ACOT12: variants seen among roughly 807,000 people sequenced by gnomAD.
The protein encoded by ACOT12 is acetyl-coenzyme A thioesterase.
In ACOT12, 51 loss-of-function variants were observed where a neutral mutation model predicts 67.7. That is an observed-to-expected ratio of 0.75 (90% CI 0.60 to 0.95). ACOT12 has a LOEUF of 0.95. Among genes scored for constraint, ACOT12 ranks in the 40% least tolerant of loss-of-function variants. ACOT12 has a pLI of 0.00. For synonymous variants in ACOT12, 251 were observed against 244.6 expected (o/e 1.03, Z -0.24); for missense variants, 734 against 708.1 (o/e 1.04, Z -0.41).
Position 81,347,876 on chromosome 5 carries a change from T to C in ACOT12, c.551A>G (p.Gln184Arg), listed in dbSNP as rs764126125. 1.1e-5 allele frequency: 17 copies of C among 1,614,092 alleles called. No individual in the cohort carries two copies. Among genetic ancestry groups the C allele is most frequent in the Non-Finnish European group, 1.4e-5 (17 of 1,180,042 alleles). ...GGGTGGGAGGACCAGTTCAATGCTC[T>C]GAACGGAGGTGCCCCTTGTGGAAAC... ...GAVSTRGTSV[Q>R]SIELVLPPHA... The change falls in exon 6 of 15, where the codon CAG becomes CGG. Residue 184 changes from glutamine to arginine, a missense_variant. Gln to Arg is a conservative substitution (Grantham distance 43). Transcript: ENST00000307624.
intron 2 of ACOT12, among the ~76,000 whole-genome samples, chr5:81,382,824 A>G (rs918790621): frequency 1.2e-4 from 18 of 152,054 alleles, no homozygotes; most frequent in African/African-American, 4.1e-4. Context: ...AAGAAGAAGA[A>G]TAACATGGAT....
the ACOT12 span, among the ~76,000 whole-genome samples, chr5:81,318,605 G>A: frequency 1.3e-5 from 2 of 152,190 alleles, no homozygotes; most frequent in South Asian, 4.2e-4. Context: ...GTTTCGATAG[G>A]GATTGTGTTG....
the ACOT12 span, among the ~76,000 whole-genome samples, chr5:81,321,101 C>A: frequency 6.6e-6 from 1 of 152,020 alleles, no homozygotes; most frequent in African/African-American, 2.4e-5. Context: ...ACAAAAAATA[C>A]AAAATTCAGC....
chr5:81,371,946 A>G, intron 2 of ACOT12, 136 bp from the exon 3 acceptor site: 1 of 712,878 alleles, frequency 1.4e-6, no homozygotes, highest in Non-Finnish European at 2.4e-6. Context: ...TGCGAAATTC[A>G]GGTTAATGAT....
intron 2 of ACOT12, among the ~76,000 whole-genome samples, chr5:81,377,869 C>G (rs959663274): frequency 2.0e-5 from 3 of 152,196 alleles, no homozygotes; most frequent in African/African-American, 7.2e-5. Flanking sequence ...ATTCCCTGCT[C>G]ATGGATAGGA....
intron 3 of ACOT12, among the ~76,000 whole-genome samples, chr5:81,366,053 A>G (rs1181374418): frequency 6.6e-6 from 1 of 152,212 alleles, no homozygotes; most frequent in Admixed American, 6.5e-5. Context: ...GGATCTTTTG[A>G]GTTCTCTCCA....
chr5:81,355,605 G>A (rs1343583316), intron 5 of ACOT12, among the ~76,000 whole-genome samples: 1 of 152,206 alleles, frequency 6.6e-6, no homozygotes, highest in Non-Finnish European at 1.5e-5. Flanking sequence ...CGTTGGATAA[G>A]AAAATAAAAA....
intron 11 of ACOT12, among the ~76,000 whole-genome samples, chr5:81,336,892 T>C (rs183497641): frequency 6.6e-6 from 1 of 152,290 alleles, no homozygotes; most frequent in Admixed American, 6.5e-5. Flanking sequence ...AGAAATTAAC[T>C]ACAAGCTGCT....
At chr5:81,344,240 CAATAAAATAA>C in intron 8 of ACOT12, 25 bp from the exon 9 acceptor site, 1 of 1,601,268 alleles carries the variant, frequency 6.2e-7, no homozygotes, top group Non-Finnish European at 8.5e-7. Flanking sequence ...AAAGTAAAAT[CAATAAAATAA>C]AATAAAATAT....
rs1266696281 is a variant in ACOT12 at position 81,387,030 on chromosome 5, T to A, written c.128-1204A>T. 4.3e-5 allele frequency among the ~76,000 whole-genome samples: 6 copies of A among 139,096 alleles called. No individual in the cohort carries two copies. In the East Asian group the frequency reaches 1.3e-3, roughly 29 times the overall value. The allele number at this position is 139,096 out of a possible 152,430, so 91.3% of individuals were successfully genotyped here. On this transcript the variant is annotated intron_variant, in intron 1 of 14. Coordinates refer to ENST00000307624, the MANE Select transcript of ACOT12 (RefSeq NM_130767.3). The stretch of plus-strand genomic sequence containing the variant: ...TTTTTTTTTTTTTTCTTTTTTCAGA[T>A]AGAGTCTCACTGTCACCCAGGCTGG...
rs569688280 is a variant in ACOT12 at position 81,343,165 on chromosome 5, C to T, written c.1045-410G>A. 4.7e-5 allele frequency among the ~76,000 whole-genome samples: 7 copies of T among 150,518 alleles called. No homozygotes were observed. In the South Asian group the frequency reaches 1.1e-3, roughly 23 times the overall value. ...TTGCGCCACTGCACTCCAGCCTGGGCGACAGAGTGAGACTCTGTCTCAAAA... is the reference window on the plus strand; with the variant it reads ...TTGCGCCACTGCACTCCAGCCTGGGTGACAGAGTGAGACTCTGTCTCAAAA... On this transcript the variant is annotated intron_variant, in intron 10 of 14. Coordinates refer to ENST00000307624, the MANE Select transcript of ACOT12 (RefSeq NM_130767.3).
Position 81,347,855 on chromosome 5 carries a change from G to A in ACOT12, c.572C>T (p.Pro191Leu). The A allele has an allele frequency of 1.2e-6, 2 of 1,614,176 alleles. No homozygotes were observed. The highest frequency in any genetic ancestry group is 1.7e-6 in the Non-Finnish European group (2 of 1,180,026). ...ATTTCCGTGATGGTTTGCATGGGGT[G>A]GGAGGACCAGTTCAATGCTCTGAAC... is the stretch of plus-strand genomic sequence containing the variant. Reference protein sequence around the residue: ...TSVQSIELVLPPHANHHGNTF... With the variant: ...TSVQSIELVLLPHANHHGNTF... The change falls in exon 6 of 15, where the codon CCA becomes CTA. Residue 191 changes from proline to leucine, a missense_variant. Coordinates refer to ENST00000307624, the MANE Select transcript of ACOT12 (RefSeq NM_130767.3).
rs148063401 is a variant in ACOT12, at chr5:81,356,628, G to A, written c.496+3275C>T. ...CATCATCTACCTCCCAAAAATTGCC[G>A]TTCCCTGCCCCTCAGATCCATGATC... is the stretch of plus-strand genomic sequence containing the variant. On this transcript the variant is annotated intron_variant, in intron 5 of 14. Transcript: ENST00000307624. 7.8e-4 allele frequency among the ~76,000 whole-genome samples: 118 copies of A among 151,872 alleles called. No homozygotes were observed. In the East Asian group the frequency reaches 0.018, roughly 23 times the overall value.
intron 4 of ACOT12, among the ~76,000 whole-genome samples, chr5:81,363,450 T>A (rs921130620): frequency 3.9e-5 from 6 of 152,256 alleles, no homozygotes; most frequent in African/African-American, 1.4e-4. Flanking sequence ...AAGTCAATTT[T>A]GAGTTATATG....
chr5:81,352,452 G>A (rs980030413), intron 5 of ACOT12, among the ~76,000 whole-genome samples: 5 of 152,156 alleles, frequency 3.3e-5, no homozygotes, highest in Admixed American at 6.5e-5. Flanking sequence ...CCTGTCATCC[G>A]CAACAACATG....
At chr5:81,317,469 A>ATCTTG in the ACOT12 span, among the ~76,000 whole-genome samples, 1 of 150,800 alleles carries the variant, frequency 6.6e-6, no homozygotes, top group African/African-American at 2.4e-5. Context: ...GCCACTGCAC[A>ATCTTG]CCAGCCTGGG....
At chr5:81,346,580 G>T (rs1180472651) in intron 6 of ACOT12, among the ~76,000 whole-genome samples, 1 of 152,148 alleles carries the variant, frequency 6.6e-6, no homozygotes, top group Non-Finnish European at 1.5e-5. Context: ...ATTTCAGAAA[G>T]TTACTTCCAT....
rs1478291306 is a variant in ACOT12 at position 81,363,857 on chromosome 5, G to T, written c.291C>A (p.Leu97=). The T allele has an allele frequency of 6.2e-7, 1 of 1,611,474 alleles. No individual in the cohort carries two copies. The highest frequency in any genetic ancestry group is 8.5e-7 in the Non-Finnish European group (1 of 1,178,988). Residue 97 remains leucine, a synonymous_variant, in exon 4 of 15, where the codon CTC becomes CTA. Transcript: ENST00000307624. ...CACTAACAAGCTTCTCAATGCCAGT[G>T]AGCATATCCTGTACCATGACCTTGA... ...ISIKVMVQDM[L]TGIEKLVSVA...
the ACOT12 span, among the ~76,000 whole-genome samples, chr5:81,322,840 A>C: frequency 6.6e-6 from 1 of 152,182 alleles, no homozygotes. Flanking sequence ...AGACGCTTAT[A>C]AAACCATCAG....
Sources: allele counts gnomAD v4.1 joint callset (sites outside exome capture counted in the v4.1 genomes callset), GRCh38; gene constraint gnomAD v4.1.1; transcripts MANE v1.5; gene names NCBI Gene and HGNC (gene_info 2026-07-23, HGNC 2026-07-21).